The following ARHGAP28 variants were observed in gnomAD, a reference collection of about 807,000 sequenced individuals.
The protein encoded by ARHGAP28 is Rho GTPase activating protein 28.
In ARHGAP28, 56 loss-of-function variants were observed where a neutral mutation model predicts 90.7. That is an observed-to-expected ratio of 0.62 (90% CI 0.50 to 0.77). ARHGAP28 has a LOEUF of 0.77. ARHGAP28 is among the 30% of genes least tolerant of loss of function. The pLI, the probability that ARHGAP28 is intolerant of heterozygous loss-of-function variation, is 0.00. For missense variants in ARHGAP28, 869 were observed against 900.9 expected, an observed-to-expected ratio of 0.96 and a Z score of 0.45; for synonymous variants, 308 against 323.3, an observed-to-expected ratio of 0.95 and a Z score of 0.51.
At chr18:6,833,248 T>C (rs2056728839) in intron 2 of ARHGAP28, among the ~76,000 whole-genome samples, 1 of 152,042 alleles carries the variant, frequency 6.6e-6, no homozygotes, top group Non-Finnish European at 1.5e-5. Context: ...CACACTTATA[T>C]AGAGAGAAAG....
At chr18:6,883,864 G>GT (rs369490845) in intron 11 of ARHGAP28, among the ~76,000 whole-genome samples, 1 of 151,882 alleles carries the variant, frequency 6.6e-6, no homozygotes, top group African/African-American at 2.4e-5. Flanking sequence ...AGCTTACTGG[G>GT]TTTTTTTAAT....
chr18:6,777,002 C>T (rs2056289164), intron 1 of ARHGAP28, among the ~76,000 whole-genome samples: 1 of 152,130 alleles, frequency 6.6e-6, no homozygotes, highest in Non-Finnish European at 1.5e-5. Flanking sequence ...GGAACATCCT[C>T]CCAACAATTG....
chr18:6,777,472 C>G (rs1054207789), intron 1 of ARHGAP28, among the ~76,000 whole-genome samples: 2 of 152,150 alleles, frequency 1.3e-5, no homozygotes, highest in Non-Finnish European at 2.9e-5. Context: ...CCTGCAATCC[C>G]AGCACTTTGG....
chr18:6,912,453 A>G lies in ARHGAP28; in HGVS notation c.*299A>G, dbSNP rs1356276147. On this transcript the variant is annotated 3_prime_UTR_variant, in exon 18 of 18. Transcript: ENST00000383472. ...ATCACTTCTAGTATTTCAACTTCCT[A>G]GCAGAAATGAACTTGGCCCTAGACC... The G allele has an allele frequency of 1.1e-5, 2 of 185,528 alleles. No homozygotes were observed. The highest frequency in any genetic ancestry group is 1.2e-4 in the Admixed American group (2 of 16,630). 11.5% of individuals were successfully genotyped at this position (185,528 alleles called of 1,614,324 possible).
In ARHGAP28 at chr18:6,825,327, T is replaced by G. The variant is rs573715196; in HGVS notation, c.325+363T>G. Among the ~76,000 whole-genome samples, 195 of 152,284 alleles carry G rather than the reference T, an allele frequency of 1.3e-3. 1 individual carries two copies. The highest frequency in any genetic ancestry group is 1.8e-3 in the Non-Finnish European group (122 of 68,014). On this transcript the variant is annotated intron_variant, in intron 2 of 17. Coordinates refer to ENST00000383472, the MANE Select transcript of ARHGAP28 (RefSeq NM_001366230.1). The stretch of plus-strand genomic sequence containing the variant: ...TTGTCTACTCATTTGTTATTATTAA[T>G]TAGAGTAATTAATACTTGACTATTA...
intron 1 of ARHGAP28, among the ~76,000 whole-genome samples, chr18:6,785,818 G>A (rs2056360670): frequency 1.3e-5 from 2 of 152,270 alleles, no homozygotes; most frequent in African/African-American, 2.4e-5. Context: ...AATACCATAC[G>A]GTGATAGTGC....
chr18:6,810,518 C>T (rs2056548936), intron 1 of ARHGAP28, among the ~76,000 whole-genome samples: 1 of 151,900 alleles, frequency 6.6e-6, no homozygotes, highest in African/African-American at 2.4e-5. Context: ...TGGTCTCAAA[C>T]TCTGGGATTC....
chr18:6,757,692 A>G (rs1902479413), intron 1 of ARHGAP28, among the ~76,000 whole-genome samples: 1 of 152,172 alleles, frequency 6.6e-6, no homozygotes, highest in Admixed American at 6.5e-5. Context: ...CCTCTCCATC[A>G]TTGCAAAGTT....
rs148363468 is a variant in ARHGAP28, at chr18:6,901,959, T to C, written c.2030+5333T>C. ...GCCAGCAATCTTGGCATTCCATGGC[T>C]TGAGACACATCATTTCAATCTCTTC... On this transcript the variant is annotated intron_variant, in intron 16 of 17. Transcript: ENST00000383472. Among the ~76,000 whole-genome samples, 3 of 152,314 alleles carry C rather than the reference T, an allele frequency of 2.0e-5. No individual in the cohort carries two copies. The East Asian group carries it at 5.8e-4, about 29-fold the overall frequency.
At chr18:6,771,749 C>T (rs886278746) in intron 1 of ARHGAP28, among the ~76,000 whole-genome samples, 4 of 152,164 alleles carry the variant, frequency 2.6e-5, no homozygotes, top group African/African-American at 9.7e-5. Flanking sequence ...TTGCCTAGTA[C>T]GTTTTTATGT....
chr18:6,868,592 C>T (rs1489714642), intron 6 of ARHGAP28, among the ~76,000 whole-genome samples: 6 of 127,784 alleles, frequency 4.7e-5, no homozygotes, highest in Admixed American at 2.6e-4. Flanking sequence ...CTCAGGCACA[C>T]GCAGCACCAG....
At chr18:6,833,546 C>T (rs1226636812) in intron 2 of ARHGAP28, among the ~76,000 whole-genome samples, 4 of 151,966 alleles carry the variant, frequency 2.6e-5, no homozygotes. Context: ...TTTATAGATG[C>T]TCCTCTACAT....
At chr18:6,836,013 T>G (rs1398286303) in intron 2 of ARHGAP28, 3 of 152,208 alleles carry the variant, frequency 2.0e-5, no homozygotes, top group African/African-American at 7.2e-5. Context: ...GTCACTGATG[T>G]TTGCCTTTCA....
intron 1 of ARHGAP28, among the ~76,000 whole-genome samples, chr18:6,800,185 C>T (rs1839821191): frequency 6.6e-6 from 1 of 152,110 alleles, no homozygotes; most frequent in Non-Finnish European, 1.5e-5. Context: ...GTTAGAATGG[C>T]AATCATTAAA....
chr18:6,890,463 A>G lies in ARHGAP28; in HGVS notation c.1768A>G (p.Met590Val), dbSNP rs1373027314. 5 of 1,613,438 alleles carry G rather than the reference A, an allele frequency of 3.1e-6. No homozygotes were observed. Among genetic ancestry groups the G allele is most frequent in the Middle Eastern group, 1.6e-4 (1 of 6,076 alleles). Residue 590 changes from methionine to valine, a missense_variant, in exon 14 of 18, where the codon ATG becomes GTG. Coordinates refer to ENST00000383472, the MANE Select transcript of ARHGAP28 (RefSeq NM_001366230.1). ...PSFLITQVRR[M>V]NEATMLLKKQ... ...TTTCTTAATCACTCAAGTAAGAAGAATGAATGAAGCCACGATGCTATTGAA... is the reference window on the plus strand; with the variant it reads ...TTTCTTAATCACTCAAGTAAGAAGAGTGAATGAAGCCACGATGCTATTGAA...
chr18:6,764,261 C>T (rs1294190056), intron 1 of ARHGAP28, among the ~76,000 whole-genome samples: 1 of 152,046 alleles, frequency 6.6e-6, no homozygotes, highest in Non-Finnish European at 1.5e-5. Flanking sequence ...TGTATAAGCC[C>T]ACGTCCAAAG....
In ARHGAP28 at chr18:6,803,172, T is replaced by C. The variant is rs554462645; in HGVS notation, c.123-21590T>C. Among the ~76,000 whole-genome samples the C allele has an allele frequency of 4.6e-5, 7 of 152,316 alleles. No individual in the cohort carries two copies. The East Asian group carries it at 1.3e-3, about 29-fold the overall frequency. On this transcript the variant is annotated intron_variant, in intron 1 of 17. Transcript: ENST00000383472. Reference sequence around the variant, plus strand: ...ATCATCCAGGTCTTATCTGTGACTTTAGGAAGAAAACATTTAGTCTTTCAT... The same window carrying C: ...ATCATCCAGGTCTTATCTGTGACTTCAGGAAGAAAACATTTAGTCTTTCAT...
chr18:6,824,637 C>T (rs2056648948), intron 1 of ARHGAP28, 125 bp from the exon 2 acceptor site: 2 of 839,338 alleles, frequency 2.4e-6, no homozygotes, highest in Non-Finnish European at 3.5e-6. Flanking sequence ...CTATCTCAAC[C>T]ATGGTTACTC....
chr18:6,804,888 A>T lies in ARHGAP28; in HGVS notation c.123-19874A>T, dbSNP rs142388509. ...ACGTGTATTCTGCTATTAATGGGTG[A>T]AATGTTTTATAAATGTCAAATAAGT... On this transcript the variant is annotated intron_variant, in intron 1 of 17. Coordinates refer to ENST00000383472, the MANE Select transcript of ARHGAP28 (RefSeq NM_001366230.1). Among the ~76,000 whole-genome samples the T allele has an allele frequency of 1.2e-3, 182 of 152,354 alleles. 4 individuals carry two copies. In the East Asian group the frequency reaches 0.033, roughly 28 times the overall value.
Sources: gnomAD v4.1 joint callset for allele counts (sites outside exome capture counted in the v4.1 genomes callset) on GRCh38, gnomAD v4.1.1 for gene constraint, MANE v1.5 for transcripts, NCBI Gene and HGNC (gene_info 2026-07-23, HGNC 2026-07-21) for gene names.